PTPRD: variants seen among roughly 807,000 people sequenced by gnomAD.
PTPRD encodes protein tyrosine phosphatase receptor type D.
A neutral mutation model predicts 214.5 loss-of-function variants in PTPRD; 34 were observed. The observed-to-expected ratio is 0.16, with a 90% CI of 0.12 to 0.21. The LOEUF (loss-of-function observed/expected upper bound fraction) is 0.21, where lower values mean the gene tolerates loss of function less well. Among genes scored for constraint, PTPRD ranks in the 10% least tolerant of loss-of-function variants. The pLI, the probability that PTPRD is intolerant of heterozygous loss-of-function variation, is 1.00. For synonymous variants in PTPRD, 1,128 were observed against 845.7 expected, an observed-to-expected ratio of 1.33 and a Z score of -5.79; for missense variants, 2,545 against 2,398.7, an observed-to-expected ratio of 1.06 and a Z score of -1.27.
At chr9:10,194,191 A>G (rs1448507475) in intron 3 of PTPRD, among the ~76,000 whole-genome samples, 1 of 151,950 alleles carries the variant, frequency 6.6e-6, no homozygotes, top group African/African-American at 2.4e-5. Context: ...TTCTCACTTT[A>G]TCCTCTTTAT....
intron 11 of PTPRD, among the ~76,000 whole-genome samples, chr9:8,826,306 A>AT (rs1235849439): frequency 2.0e-5 from 3 of 152,038 alleles, no homozygotes; most frequent in Non-Finnish European, 4.4e-5. Context: ...TAATTTATAT[A>AT]TTTTTTAAAT....
chr9:10,351,251 T>G (rs1366049883), intron 2 of PTPRD, among the ~76,000 whole-genome samples: 2 of 152,134 alleles, frequency 1.3e-5, no homozygotes, highest in Non-Finnish European at 2.9e-5. Context: ...TAAATTACTG[T>G]CGCCCTCCAT....
At chr9:9,567,988 AC>A (rs1184504658) in intron 8 of PTPRD, among the ~76,000 whole-genome samples, 1 of 151,768 alleles carries the variant, frequency 6.6e-6, no homozygotes, top group African/African-American at 2.4e-5. Context: ...TAGATATGTA[AC>A]CTATAATTAC....
At chr9:8,768,846 G>C (rs924869971) in intron 11 of PTPRD, among the ~76,000 whole-genome samples, 3 of 152,108 alleles carry the variant, frequency 2.0e-5, no homozygotes, top group African/African-American at 7.2e-5. Flanking sequence ...TAAGATATAA[G>C]AAAAATGAAA....
At chr9:8,695,625 A>G (rs2097896172) in intron 12 of PTPRD, among the ~76,000 whole-genome samples, 1 of 152,214 alleles carries the variant, frequency 6.6e-6, no homozygotes, top group Admixed American at 6.5e-5. Flanking sequence ...TGAGTAAGTG[A>G]TAAACATTTT....
chr9:8,917,427 G>A (rs148443310), intron 11 of PTPRD, among the ~76,000 whole-genome samples: 54 of 151,756 alleles, frequency 3.6e-4, no homozygotes, highest in South Asian at 2.9e-3. Context: ...GTGAGCCACC[G>A]CGCCCGGCCT....
In PTPRD at chr9:8,914,562, A is replaced by G. The variant is rs200551988; in HGVS notation, c.-104+104135T>C. Among the ~76,000 whole-genome samples the G allele has an allele frequency of 4.6e-5, 7 of 152,248 alleles. No individual in the cohort carries two copies. In the East Asian group the frequency reaches 1.2e-3, roughly 25 times the overall value. ...AAATCTGGACCTGAAGCAAGCTGTA[A>G]TGATTGGGAACTGTTATAGAATTAT... On this transcript the variant is annotated intron_variant, in intron 11 of 45. Transcript: ENST00000381196.
At chr9:8,542,732 AGCAAGCC>A (rs1421096495) in intron 14 of PTPRD, among the ~76,000 whole-genome samples, 1 of 152,236 alleles carries the variant, frequency 6.6e-6, no homozygotes, top group Non-Finnish European at 1.5e-5. Context: ...GGGCTCGTAG[AGCAAGCC>A]GTTTGCCTCC....
At chr9:8,373,929 T>C (rs1023949967) in intron 39 of PTPRD, among the ~76,000 whole-genome samples, 1 of 143,512 alleles carries the variant, frequency 7.0e-6, no homozygotes, top group African/African-American at 2.7e-5. Flanking sequence ...TACCTACCTA[T>C]CTCAGTTTTC....
intron 3 of PTPRD, among the ~76,000 whole-genome samples, chr9:10,087,100 T>C (rs291325): frequency 0.29 from 43,581 of 150,864 alleles, 6,753 homozygotes; most frequent in East Asian, 0.52. Context: ...AAACAAAGAA[T>C]CAAACAATGC....
chr9:9,854,318 C>T (rs1168949671), intron 5 of PTPRD, among the ~76,000 whole-genome samples: 1 of 152,084 alleles, frequency 6.6e-6, no homozygotes, highest in Non-Finnish European at 1.5e-5. Flanking sequence ...ATCTTTAAAA[C>T]TAACTTGTAT....
chr9:8,796,333 A>C (rs1283753484), intron 11 of PTPRD, among the ~76,000 whole-genome samples: 3 of 152,190 alleles, frequency 2.0e-5, no homozygotes, highest in African/African-American at 7.2e-5. Flanking sequence ...ATTCTATAAT[A>C]GGGGCTAGTG....
intron 2 of PTPRD, among the ~76,000 whole-genome samples, chr9:10,446,675 G>C (rs1449246810): frequency 6.6e-6 from 1 of 152,194 alleles, no homozygotes; most frequent in South Asian, 2.1e-4. Flanking sequence ...ATGAAGCCAT[G>C]GGACTTGATG....
rs58492445 is a variant in PTPRD at position 10,283,125 on chromosome 9, T to TAC, written c.-545+57836_-545+57837dup. Among the ~76,000 whole-genome samples the TAC allele has an allele frequency of 5.0e-3, 740 of 149,442 alleles. 7 individuals carry two copies. The highest frequency in any genetic ancestry group is 6.9e-3 in the East Asian group (35 of 5,090). On this transcript the variant is annotated intron_variant, in intron 3 of 45. Transcript: ENST00000381196. ...ATTCCTCAAAACCTGCCTGCATATG[T>TAC]ACACACACACACACACACACACAAA...
chr9:9,226,107 T>C (rs975095602), intron 9 of PTPRD, among the ~76,000 whole-genome samples: 2 of 151,974 alleles, frequency 1.3e-5, no homozygotes, highest in African/African-American at 4.8e-5. Flanking sequence ...CTCTACCAGA[T>C]ATTATTTGCA....
In PTPRD at chr9:9,245,079, A is replaced by C. The variant is rs1003052337; in HGVS notation, c.-202-61716T>G. Among the ~76,000 whole-genome samples, 15 of 152,330 alleles carry C rather than the reference A, an allele frequency of 9.8e-5. No homozygotes were observed. In the East Asian group the frequency reaches 2.9e-3, roughly 29 times the overall value. ...CATCAGAGAAATGCAAATCAAAACCACAATGAGATATCGTCTCATACCAGT... is the reference window on the plus strand; with the variant it reads ...CATCAGAGAAATGCAAATCAAAACCCCAATGAGATATCGTCTCATACCAGT... On this transcript the variant is annotated intron_variant, in intron 9 of 45. Coordinates refer to ENST00000381196, the MANE Select transcript of PTPRD (RefSeq NM_002839.4).
chr9:10,258,516 G>A (rs147334526), intron 3 of PTPRD, among the ~76,000 whole-genome samples: 2 of 152,212 alleles, frequency 1.3e-5, no homozygotes, highest in East Asian at 3.9e-4. Flanking sequence ...AGCAATTGAG[G>A]TATTTTTACA....
intron 14 of PTPRD, among the ~76,000 whole-genome samples, chr9:8,599,131 G>A (rs1428269962): frequency 1.3e-5 from 2 of 152,044 alleles, no homozygotes; most frequent in Admixed American, 1.3e-4. Flanking sequence ...GTTTTATGAA[G>A]GGGAGTTCTC....
chr9:8,418,928 A>G (rs920252803), intron 35 of PTPRD, among the ~76,000 whole-genome samples: 1 of 152,036 alleles, frequency 6.6e-6, no homozygotes, highest in Non-Finnish European at 1.5e-5. Context: ...ATGCTAGGAG[A>G]TTTATATATG....
Sources: gnomAD v4.1 joint callset for allele counts (sites outside exome capture counted in the v4.1 genomes callset) on GRCh38, gnomAD v4.1.1 for gene constraint, MANE v1.5 for transcripts, NCBI Gene and HGNC (gene_info 2026-07-23, HGNC 2026-07-21) for gene names.